Variants in SLC39A11 observed in about 807,000 individuals in gnomAD.
The protein encoded by SLC39A11 is solute carrier family 39 member 11, also known as zinc transporter ZIP11.
A neutral mutation model predicts 36.1 loss-of-function variants in SLC39A11; 33 were observed. The ratio of observed to expected loss-of-function variants is 0.91; its 90% CI spans 0.69 to 1.22. The LOEUF is 1.22. SLC39A11 is among the 50% of genes most tolerant of loss of function. The pLI is 0.00. For missense variants in SLC39A11, 432 were observed against 430.3 expected (o/e 1.00, Z -0.03); for synonymous variants, 166 against 170.3 (o/e 0.97, Z 0.20).
intron 5 of SLC39A11, among the ~76,000 whole-genome samples, chr17:72,919,325 A>G (rs1032015808): frequency 2.0e-5 from 3 of 152,170 alleles, no homozygotes; most frequent in Admixed American, 6.5e-5. Flanking sequence ...ACAAAAAAAC[A>G]GAAATAACCA....
At chr17:72,908,395 C>A (rs779973475) in intron 5 of SLC39A11, among the ~76,000 whole-genome samples, 1 of 152,208 alleles carries the variant, frequency 6.6e-6, no homozygotes, top group Non-Finnish European at 1.5e-5. Context: ...CTGCTGCAAC[C>A]TGCTAGCCAC....
intron 5 of SLC39A11, among the ~76,000 whole-genome samples, chr17:72,881,838 G>T (rs1367908835): frequency 6.6e-6 from 1 of 152,188 alleles, no homozygotes; most frequent in Non-Finnish European, 1.5e-5. Flanking sequence ...TGCCTCACAG[G>T]CTGCAGAATT....
At chr17:72,846,588 G>T (rs973140660) in intron 6 of SLC39A11, among the ~76,000 whole-genome samples, 1 of 152,172 alleles carries the variant, frequency 6.6e-6, no homozygotes, top group African/African-American at 2.4e-5. Context: ...CCTTCCATTG[G>T]GATGAGCCAG....
intron 5 of SLC39A11, among the ~76,000 whole-genome samples, chr17:72,914,520 C>T (rs1367462159): frequency 6.6e-6 from 1 of 152,046 alleles, no homozygotes; most frequent in African/African-American, 2.4e-5. Context: ...ACTGGTGCAT[C>T]TGCAGATTTC....
intron 6 of SLC39A11, among the ~76,000 whole-genome samples, chr17:72,742,219 C>T (rs1211084023): frequency 6.6e-6 from 1 of 151,974 alleles, no homozygotes; most frequent in Admixed American, 6.6e-5. Flanking sequence ...AAAGAGTATC[C>T]TACGTGAGGT....
At chr17:72,907,483 G>A (rs1400624997) in intron 5 of SLC39A11, among the ~76,000 whole-genome samples, 4 of 152,168 alleles carry the variant, frequency 2.6e-5, no homozygotes, top group Non-Finnish European at 4.4e-5. Flanking sequence ...GAGTGACGGA[G>A]CGAGACTCCA....
chr17:72,902,956 A>C (rs2082469791), intron 5 of SLC39A11, among the ~76,000 whole-genome samples: 1 of 151,808 alleles, frequency 6.6e-6, no homozygotes, highest in Non-Finnish European at 1.5e-5. Flanking sequence ...AGTTAGAAAA[A>C]AAAGTCATTA....
intron 6 of SLC39A11, among the ~76,000 whole-genome samples, chr17:72,756,332 C>T (rs958297290): frequency 2.0e-5 from 3 of 152,224 alleles, no homozygotes; most frequent in Admixed American, 1.3e-4. Flanking sequence ...ACTTGCCTAC[C>T]TACATTTACA....
chr17:72,946,921 G>C (rs1049336225), intron 5 of SLC39A11, among the ~76,000 whole-genome samples: 2 of 152,216 alleles, frequency 1.3e-5, no homozygotes, highest in Admixed American at 6.5e-5. Context: ...AGTAATTGCT[G>C]TCTGATTCCT....
Position 72,648,850 on chromosome 17 carries a change from G to T in SLC39A11, c.882C>A (p.Ala294=). ...TGTCGTCCATGACCACGTAGACCAT[G>T]GCACCGGCAGCAAAGGCCAGAGCGT... ...LPYALAFAAG[A]MVYVVMDDII... The change falls in exon 9 of 10, where the codon GCC becomes GCA. Residue 294 remains alanine (A), a synonymous_variant. Transcript: ENST00000255559. 6.2e-7 allele frequency: 1 copy of T among 1,614,208 alleles called. No homozygotes were observed. Among genetic ancestry groups the T allele is most frequent in the Non-Finnish European group, 8.5e-7 (1 of 1,180,040 alleles).
chr17:72,984,022 G>A (rs1012347519), intron 4 of SLC39A11, among the ~76,000 whole-genome samples: 5 of 152,170 alleles, frequency 3.3e-5, no homozygotes, highest in African/African-American at 9.7e-5. Flanking sequence ...CAGCAGAGGG[G>A]TAACCAGGCA....
rs747621851 is a variant in SLC39A11, at chr17:73,009,603, CT to C, written c.306+21952del. Among the ~76,000 whole-genome samples the C allele has an allele frequency of 3.3e-5, 5 of 151,746 alleles. No individual in the cohort carries two copies. In the East Asian group the frequency reaches 9.7e-4, roughly 29 times the overall value. On this transcript the variant is annotated intron_variant, in intron 4 of 9. Coordinates refer to ENST00000255559, the MANE Select transcript of SLC39A11 (RefSeq NM_139177.4). ...GATGGCTTAATAGGCATGGGGTTTC[CT>C]TGGGGGGGTGATGAAAATGTGTGGA...
intron 6 of SLC39A11, among the ~76,000 whole-genome samples, chr17:72,743,472 T>C (rs2074801660): frequency 6.6e-6 from 1 of 152,168 alleles, no homozygotes. Flanking sequence ...AGGTCCTTCC[T>C]CTCAGGTCTG....
chr17:72,909,312 C>A (rs12600622), intron 5 of SLC39A11, among the ~76,000 whole-genome samples: 20,726 of 152,188 alleles, frequency 0.14, 1,639 homozygotes, highest in South Asian at 0.27. Flanking sequence ...ATGAAGAATG[C>A]GATTCTGGGG....
At chr17:72,845,302 C>G (rs1246008365) in intron 6 of SLC39A11, among the ~76,000 whole-genome samples, 1 of 152,212 alleles carries the variant, frequency 6.6e-6, no homozygotes, top group East Asian at 1.9e-4. Context: ...GACATCCCTG[C>G]CCTCACCTTG....
At chr17:72,745,429 C>T (rs1319783038) in intron 6 of SLC39A11, among the ~76,000 whole-genome samples, 1 of 152,160 alleles carries the variant, frequency 6.6e-6, no homozygotes, top group African/African-American at 2.4e-5. Context: ...GGTGGTCAGA[C>T]CAGGGGTAGG....
intron 7 of SLC39A11, among the ~76,000 whole-genome samples, chr17:72,667,929 T>C (rs1274382848): frequency 6.6e-6 from 1 of 152,230 alleles, no homozygotes; most frequent in East Asian, 1.9e-4. Context: ...CCAGCTGAAA[T>C]TTCAGTTCAG....
intron 6 of SLC39A11, among the ~76,000 whole-genome samples, chr17:72,806,342 T>C (rs764135621): frequency 6.6e-6 from 1 of 152,194 alleles, no homozygotes; most frequent in African/African-American, 2.4e-5. Flanking sequence ...TTATTTTTCC[T>C]CAGAACTTTG....
rs192249015 is a variant in SLC39A11 at position 72,814,518 on chromosome 17, T to C, written c.601+35116A>G. Among the ~76,000 whole-genome samples, 406 of 152,234 alleles carry C rather than the reference T, an allele frequency of 2.7e-3. 3 individuals carry two copies. Among genetic ancestry groups the C allele is most frequent in the African/African-American group, 9.4e-3 (391 of 41,546 alleles). ...TCTGGAGAACTGGGCTCTGAACACA[T>C]TGTGGAATAGTCCCGAGGTGAGAAG... On this transcript the variant is annotated intron_variant, in intron 6 of 9. Transcript: ENST00000255559.
Sources: allele counts gnomAD v4.1 joint callset (sites outside exome capture counted in the v4.1 genomes callset), GRCh38; gene constraint gnomAD v4.1.1; transcripts MANE v1.5; gene names NCBI Gene and HGNC (gene_info 2026-07-23, HGNC 2026-07-21).